Variants in PCCB observed in about 807,000 individuals in gnomAD.
The protein encoded by PCCB is propionyl-CoA carboxylase subunit beta.
Under a neutral mutation model 60.7 loss-of-function variants are expected in PCCB, and 43 were observed. That is an observed-to-expected ratio of 0.71 (90% CI 0.55 to 0.91). The LOEUF is 0.91. Among genes scored for constraint, PCCB ranks in the 40% least tolerant of loss-of-function variants. The probability of loss-of-function intolerance (pLI) is 0.00; values close to 1 mark genes in which losing one functional copy is unlikely to be tolerated. For missense variants in PCCB, 766 were observed against 702.8 expected (o/e 1.09, Z -1.02); for synonymous variants, 276 against 255.9 (o/e 1.08, Z -0.75).
chr3:136,257,688 G>C lies in PCCB; in HGVS notation c.372+1065G>C, dbSNP rs1489721306. On this transcript the variant is annotated intron_variant, in intron 3 of 14. Coordinates refer to ENST00000251654, the MANE Select transcript of PCCB (RefSeq NM_000532.5). Reference sequence around the variant, plus strand: ...GTGGTGGCTCATGCCTGTAGTCCCAGTACTTTGGGAGGCTGAGATGGGTGG... The same window carrying C: ...GTGGTGGCTCATGCCTGTAGTCCCACTACTTTGGGAGGCTGAGATGGGTGG... 2.0e-5 allele frequency among the ~76,000 whole-genome samples: 3 copies of C among 152,176 alleles called. No individual in the cohort carries two copies. The East Asian group carries it at 5.8e-4, about 29-fold the overall frequency.
chr3:136,262,136 C>T, intron 5 of PCCB, 71 bp downstream of exon 5: 1 of 931,078 alleles, frequency 1.1e-6, no homozygotes, highest in Non-Finnish European at 1.7e-6. Context: ...CTGGCCAGAG[C>T]TTCTCCAACT....
intron 4 of PCCB, 85 bp downstream of exon 4, chr3:136,260,620 A>C: frequency 8.6e-7 from 1 of 1,165,936 alleles, no homozygotes; most frequent in Non-Finnish European, 1.3e-6. Flanking sequence ...CAAGACACTG[A>C]GCTAGGTACT....
intron 10 of PCCB, among the ~76,000 whole-genome samples, chr3:136,325,188 C>T (rs1185456418): frequency 6.6e-6 from 1 of 152,002 alleles, no homozygotes; most frequent in African/African-American, 2.4e-5. Flanking sequence ...CCACATCTGG[C>T]CATTTTTTTT....
intron 9 of PCCB, among the ~76,000 whole-genome samples, chr3:136,302,108 C>T (rs1464794614): frequency 2.6e-5 from 4 of 152,188 alleles, no homozygotes; most frequent in African/African-American, 9.7e-5. Flanking sequence ...TGATCAGAAG[C>T]AGCAGTCAGC....
chr3:136,267,309 C>T (rs979511748), intron 5 of PCCB, among the ~76,000 whole-genome samples: 1 of 152,166 alleles, frequency 6.6e-6, no homozygotes, highest in Non-Finnish European at 1.5e-5. Flanking sequence ...CCTTAGCCTA[C>T]GGAGTAGCTA....
chr3:136,280,608 A>G (rs1942450585), intron 5 of PCCB, among the ~76,000 whole-genome samples: 1 of 152,252 alleles, frequency 6.6e-6, no homozygotes, highest in Admixed American at 6.5e-5. Flanking sequence ...GGTCTCCCAA[A>G]GAGCTGCAAT....
chr3:136,286,463 C>A (rs1387832058), intron 6 of PCCB, among the ~76,000 whole-genome samples: 3 of 152,170 alleles, frequency 2.0e-5, no homozygotes, highest in Non-Finnish European at 4.4e-5. Context: ...TTCTACCAAG[C>A]TTCTCCTGCA....
intron 10 of PCCB, among the ~76,000 whole-genome samples, chr3:136,323,807 CAAAA>C (rs752634366): frequency 1.1e-5 from 1 of 91,240 alleles, no homozygotes; most frequent in Non-Finnish European, 2.4e-5. Flanking sequence ...CAAAACATCT[CAAAA>C]AAAAAAAAAA....
At position 136,253,390 on chromosome 3, in the gene PCCB, C is replaced by CT. The variant is rs555917001; in HGVS notation, c.184-2457dup. Among the ~76,000 whole-genome samples the CT allele has an allele frequency of 9.3e-3, 1,395 of 150,332 alleles. 24 individuals carry two copies. The highest frequency in any genetic ancestry group is 0.031 in the African/African-American group (1,276 of 40,968). ...AGGCGTGAGCCACTGCACATGGCCT[C>CT]TTTTTTTTTCTTAAGACAGGGTCTC... On this transcript the variant is annotated intron_variant, in intron 1 of 14. Transcript: ENST00000251654.
intron 8 of PCCB, among the ~76,000 whole-genome samples, chr3:136,299,162 C>G (rs1010642560): frequency 6.6e-6 from 1 of 151,990 alleles, no homozygotes; most frequent in Non-Finnish European, 1.5e-5. Flanking sequence ...CCAGCTATAC[C>G]TCTTCTGCAT....
chr3:136,252,187 C>A (rs1190446789), intron 1 of PCCB: 1 of 436,454 alleles, frequency 2.3e-6, no homozygotes, highest in Admixed American at 2.4e-5. Context: ...CGGCCCTGCA[C>A]CCCTTTTAAA....
intron 1 of PCCB, among the ~76,000 whole-genome samples, chr3:136,253,539 C>T (rs1055569078): frequency 8.6e-5 from 13 of 151,776 alleles, no homozygotes; most frequent in Non-Finnish European, 1.8e-4. Flanking sequence ...CACGTGCCAC[C>T]ACACCTGGCT....
intron 1 of PCCB, among the ~76,000 whole-genome samples, chr3:136,254,018 C>G (rs1455823785): frequency 6.6e-6 from 1 of 151,944 alleles, no homozygotes; most frequent in Admixed American, 6.6e-5. Context: ...TTCTACTTTA[C>G]GTGACAGTGT....
At chr3:136,256,026 C>T (rs1320195342) in intron 2 of PCCB, 51 bp downstream of exon 2, 1 of 1,612,726 alleles carries the variant, frequency 6.2e-7, no homozygotes, top group Non-Finnish European at 8.5e-7. Flanking sequence ...GCTCAGCTGG[C>T]CTACCCACTA....
At chr3:136,282,132 C>G (rs973137608) in intron 5 of PCCB, among the ~76,000 whole-genome samples, 4 of 152,112 alleles carry the variant, frequency 2.6e-5, no homozygotes, top group African/African-American at 9.7e-5. Context: ...TCTAATTTCC[C>G]AATCTGGCAC....
chr3:136,328,100 A>C (rs928075053), intron 13 of PCCB, among the ~76,000 whole-genome samples: 1 of 152,194 alleles, frequency 6.6e-6, no homozygotes, highest in Non-Finnish European at 1.5e-5. Context: ...CTCAGCTTCC[A>C]GGGAGGGCCC....
At chr3:136,287,191 T>G (rs997297881) in intron 6 of PCCB, among the ~76,000 whole-genome samples, 1 of 152,186 alleles carries the variant, frequency 6.6e-6, no homozygotes, top group African/African-American at 2.4e-5. Context: ...TGGTAGTGTT[T>G]TTATTTGCTT....
At chr3:136,256,968 T>G (rs1403594032) in intron 3 of PCCB, among the ~76,000 whole-genome samples, 1 of 152,144 alleles carries the variant, frequency 6.6e-6, no homozygotes, top group African/African-American at 2.4e-5. Flanking sequence ...GAGAGTGCAG[T>G]GGGTGCAGCC....
At position 136,270,790 on chromosome 3, in the gene PCCB, G is replaced by A. The variant is rs1942177854; in HGVS notation, c.543+8725G>A. Among the ~76,000 whole-genome samples the A allele has an allele frequency of 2.0e-5, 3 of 152,292 alleles. No individual in the cohort carries two copies. In the South Asian group the frequency reaches 6.2e-4, roughly 32 times the overall value. ...CAAATTACTGGGATTACAGGCATGA[G>A]CCCCTGCGCCCGGCTGTTTTTTGAC... On this transcript the variant is annotated intron_variant, in intron 5 of 14. Coordinates refer to ENST00000251654, the MANE Select transcript of PCCB (RefSeq NM_000532.5).
Sources: gnomAD v4.1 joint callset for allele counts (sites outside exome capture counted in the v4.1 genomes callset) on GRCh38, gnomAD v4.1.1 for gene constraint, MANE v1.5 for transcripts, NCBI Gene and HGNC (gene_info 2026-07-23, HGNC 2026-07-21) for gene names.